SNX10: variants seen among roughly 807,000 people sequenced by gnomAD.
SNX10 encodes the protein sorting nexin 10, also known as sorting nexin-10.
Under a neutral mutation model 28.5 loss-of-function variants are expected in SNX10, and 25 were observed. The ratio of observed to expected loss-of-function variants is 0.88; its 90% CI spans 0.64 to 1.22. The LOEUF (loss-of-function observed/expected upper bound fraction) is 1.22. SNX10 is among the 50% of genes most tolerant of loss of function. The pLI, the probability that SNX10 is intolerant of heterozygous loss-of-function variation, is 0.00. For missense variants in SNX10, 223 were observed against 242.6 expected (o/e 0.92, Z 0.54); for synonymous variants, 62 against 81.4 (o/e 0.76, Z 1.28).
intron 1 of SNX10, among the ~76,000 whole-genome samples, chr7:26,329,924 G>A (rs1787669166): frequency 6.6e-6 from 1 of 152,106 alleles, no homozygotes; most frequent in Admixed American, 6.5e-5. Context: ...GAGGGCATGT[G>A]ACACAGTGGA....
At chr7:26,333,053 G>A (rs1256420307) in intron 1 of SNX10, among the ~76,000 whole-genome samples, 1 of 152,052 alleles carries the variant, frequency 6.6e-6, no homozygotes, top group African/African-American at 2.4e-5. Flanking sequence ...TTGGCTATTT[G>A]GAGTCTCTTG....
In SNX10 at chr7:26,306,186, G is replaced by A. The variant is rs555730647; in HGVS notation, c.-24+14100G>A. 2.6e-5 allele frequency among the ~76,000 whole-genome samples: 4 copies of A among 151,940 alleles called. No individual in the cohort carries two copies. The East Asian group carries it at 7.7e-4, about 29-fold the overall frequency. ...CCCAAAGTGCTGGGATTGCAGACGT[G>A]ACCCACTGCACCTGGCCACATTTCA... On this transcript the variant is annotated intron_variant, in intron 1 of 6. Coordinates refer to ENST00000338523, the MANE Select transcript of SNX10 (RefSeq NM_013322.3).
At chr7:26,360,047 A>G (rs1450122551) in intron 2 of SNX10, among the ~76,000 whole-genome samples, 1 of 152,174 alleles carries the variant, frequency 6.6e-6, no homozygotes, top group African/African-American at 2.4e-5. Flanking sequence ...AATATCCCTA[A>G]CTTCTATGTA....
chr7:26,318,533 T>C (rs1190236503), intron 1 of SNX10, among the ~76,000 whole-genome samples: 1 of 152,298 alleles, frequency 6.6e-6, no homozygotes, highest in Non-Finnish European at 1.5e-5. Flanking sequence ...AATGGCGAGA[T>C]CATGGCTCAC....
intron 1 of SNX10, among the ~76,000 whole-genome samples, chr7:26,316,197 A>AAC (rs1554351893): frequency 6.6e-6 from 1 of 150,782 alleles, no homozygotes; most frequent in Non-Finnish European, 1.5e-5. Context: ...AAAAAAAAAA[A>AAC]CAAAAAACCT....
Position 26,372,482 on chromosome 7 carries a change from C to G in SNX10, c.525-9C>G. ...CTTTTTATTATTTTCCCCCTCTCTTCTTTTCCAGTTCATCCTCTGGGCTTG... is the reference window on the plus strand; with the variant it reads ...CTTTTTATTATTTTCCCCCTCTCTTGTTTTCCAGTTCATCCTCTGGGCTTG... On this transcript the variant is annotated splice_polypyrimidine_tract_variant and intron_variant, in intron 6 of 6. Transcript: ENST00000338523. The G allele has an allele frequency of 6.3e-7, 1 of 1,585,342 alleles. No homozygotes were observed. The highest frequency in any genetic ancestry group is 2.2e-5 in the East Asian group (1 of 44,698).
chr7:26,338,473 C>G (rs1788032391), intron 1 of SNX10, among the ~76,000 whole-genome samples: 1 of 152,148 alleles, frequency 6.6e-6, no homozygotes, highest in Non-Finnish European at 1.5e-5. Flanking sequence ...TTGCCCAGGC[C>G]TGGAGTGCAG....
chr7:26,334,479 C>G (rs773263645), intron 1 of SNX10, among the ~76,000 whole-genome samples: 1 of 152,200 alleles, frequency 6.6e-6, no homozygotes, highest in South Asian at 2.1e-4. Flanking sequence ...GGCCAACATG[C>G]ACATGCAGGT....
intron 1 of SNX10, among the ~76,000 whole-genome samples, chr7:26,333,913 A>G (rs989183957): frequency 3.5e-4 from 53 of 152,288 alleles, no homozygotes; most frequent in African/African-American, 1.3e-3. Context: ...GTGTGGTGGA[A>G]AGGGATGACT....
chr7:26,351,877 A>C (rs1004075828), intron 2 of SNX10, among the ~76,000 whole-genome samples: 10 of 151,642 alleles, frequency 6.6e-5, no homozygotes, highest in Non-Finnish European at 5.9e-5. Flanking sequence ...AGGATGGTCT[A>C]GATCTCCTGA....
chr7:26,346,956 C>T (rs1788412316), intron 2 of SNX10, among the ~76,000 whole-genome samples: 1 of 152,268 alleles, frequency 6.6e-6, no homozygotes, highest in South Asian at 2.1e-4. Context: ...GAGCCTCTCC[C>T]TGACTGGGAG....
chr7:26,293,360 C>T (rs1225708393), intron 1 of SNX10, among the ~76,000 whole-genome samples: 1 of 152,022 alleles, frequency 6.6e-6, no homozygotes, highest in East Asian at 1.9e-4. Context: ...GCCACCACAC[C>T]CCTGGCTAAC....
intron 1 of SNX10, among the ~76,000 whole-genome samples, chr7:26,342,227 A>G (rs184519154): frequency 2.3e-4 from 35 of 152,046 alleles, no homozygotes; most frequent in African/African-American, 7.7e-4. Context: ...GGGTTTCACC[A>G]TGTTTGCCAG....
At chr7:26,355,438 G>A (rs944421736) in intron 2 of SNX10, among the ~76,000 whole-genome samples, 6 of 152,214 alleles carry the variant, frequency 3.9e-5, no homozygotes, top group East Asian at 1.9e-4. Flanking sequence ...ACTATGTTGC[G>A]TCTTCCAATT....
At chr7:26,359,704 G>T (rs1284718022) in intron 2 of SNX10, among the ~76,000 whole-genome samples, 2 of 149,854 alleles carry the variant, frequency 1.3e-5, no homozygotes, top group South Asian at 2.1e-4. Context: ...TTGCTCTGTC[G>T]CCAGGCTGGA....
intron 1 of SNX10, among the ~76,000 whole-genome samples, chr7:26,307,318 A>C (rs1173960918): frequency 6.6e-6 from 1 of 152,024 alleles, no homozygotes; most frequent in African/African-American, 2.4e-5. Flanking sequence ...TTACCTCTCA[A>C]AACAGCCCCC....
At chr7:26,368,420 A>G (rs1021665305) in intron 5 of SNX10, among the ~76,000 whole-genome samples, 1 of 152,196 alleles carries the variant, frequency 6.6e-6, no homozygotes, top group Non-Finnish European at 1.5e-5. Flanking sequence ...AGTTATGAAA[A>G]GAAAGTTATA....
intron 1 of SNX10, among the ~76,000 whole-genome samples, chr7:26,312,194 A>G (rs1786877691): frequency 6.6e-6 from 1 of 152,208 alleles, no homozygotes; most frequent in Non-Finnish European, 1.5e-5. Flanking sequence ...GTCTCTAGAA[A>G]AATCTAAAGG....
At chr7:26,361,313 G>A (rs896908838) in intron 3 of SNX10, among the ~76,000 whole-genome samples, 12 of 152,124 alleles carry the variant, frequency 7.9e-5, no homozygotes, top group Non-Finnish European at 1.3e-4. Context: ...GTGAAGATGT[G>A]CACGCATCTA....
Sources: gnomAD v4.1 joint callset for allele counts (sites outside exome capture counted in the v4.1 genomes callset) on GRCh38, gnomAD v4.1.1 for gene constraint, MANE v1.5 for transcripts, NCBI Gene and HGNC (gene_info 2026-07-23, HGNC 2026-07-21) for gene names.